TMEM178B: variants seen among roughly 807,000 people sequenced by gnomAD.
TMEM178B encodes transmembrane protein 178B.
A neutral mutation model predicts 31.0 loss-of-function variants in TMEM178B; 5 were observed. That is an observed-to-expected ratio of 0.16 (90% confidence interval 0.08 to 0.34). TMEM178B has a LOEUF of 0.34. Ranked by LOEUF, TMEM178B falls within the 10% of genes least tolerant of loss-of-function variation. The pLI is 1.00. For missense variants in TMEM178B, 275 were observed against 400.3 expected (o/e 0.69, Z 2.67); for synonymous variants, 164 against 164.0 (o/e 1.00, Z 0.00).
chr7:141,254,131 A>G (rs1451527301), intron 2 of TMEM178B, among the ~76,000 whole-genome samples: 1 of 152,196 alleles, frequency 6.6e-6, no homozygotes, highest in South Asian at 2.1e-4. Context: ...AAGGAAGGAC[A>G]TTTATTTGAA....
At chr7:141,126,073 T>G (rs1184705864) in intron 1 of TMEM178B, among the ~76,000 whole-genome samples, 1 of 152,210 alleles carries the variant, frequency 6.6e-6, no homozygotes, top group African/African-American at 2.4e-5. Flanking sequence ...TACCAAGCGA[T>G]GACCAGATTG....
Position 141,371,500 on chromosome 7 carries a change from A to G in TMEM178B, c.497-66108A>G, listed in dbSNP as rs1313048562. ...CTTTTCTTAAAAAATTACCTGCCTC[A>G]AGTATTCTCTTGTAGCAACACAAAA... On this transcript the variant is annotated intron_variant, in intron 2 of 3. Coordinates refer to ENST00000565468, the MANE Select transcript of TMEM178B (RefSeq NM_001195278.2). 5.5e-4 allele frequency among the ~76,000 whole-genome samples: 83 copies of G among 152,198 alleles called. 1 individual carries two copies. The highest frequency in any genetic ancestry group is 5.4e-3 in the Admixed American group (83 of 15,280).
rs181569940 is a variant in TMEM178B, at chr7:141,398,048, A to G, written c.497-39560A>G. 1.5e-3 allele frequency among the ~76,000 whole-genome samples: 235 copies of G among 152,192 alleles called. 1 individual carries two copies. Among genetic ancestry groups the G allele is most frequent in the Non-Finnish European group, 2.7e-3 (186 of 68,010 alleles). ...TCAGGAGATTGGTAGTGGTGTGTGG[A>G]GTGGGCAGGTAGGAGAGGTCACCAA... On this transcript the variant is annotated intron_variant, in intron 2 of 3. Transcript: ENST00000565468.
chr7:141,136,899 CA>C (rs1252740415), intron 1 of TMEM178B, among the ~76,000 whole-genome samples: 2 of 152,030 alleles, frequency 1.3e-5, no homozygotes, highest in Non-Finnish European at 1.5e-5. Context: ...GATCTGAATA[CA>C]TATTTCTCAA....
chr7:141,261,035 A>C (rs216995), intron 2 of TMEM178B, among the ~76,000 whole-genome samples: 93,748 of 152,060 alleles, frequency 0.62, 29,683 homozygotes, highest in African/African-American at 0.77. Flanking sequence ...ATGATAACCC[A>C]AGATCAGCCT....
chr7:141,158,598 C>A (rs1224055729), intron 1 of TMEM178B, among the ~76,000 whole-genome samples: 1 of 152,188 alleles, frequency 6.6e-6, no homozygotes, highest in African/African-American at 2.4e-5. Flanking sequence ...AGAAGACCAG[C>A]AGGAAGAACA....
At chr7:141,505,423 G>C in the TMEM178B span, among the ~76,000 whole-genome samples, 5 of 152,204 alleles carry the variant, frequency 3.3e-5, no homozygotes, top group Admixed American at 3.3e-4. Flanking sequence ...ATTATTATCT[G>C]TGTGCCATTA....
chr7:141,505,430 A>G, the TMEM178B span, among the ~76,000 whole-genome samples: 14,848 of 152,276 alleles, frequency 0.098, 2,200 homozygotes, highest in African/African-American at 0.32. Flanking sequence ...TCTGTGTGCC[A>G]TTATGAGTCC....
chr7:141,096,919 C>A (rs1190785824), intron 1 of TMEM178B, among the ~76,000 whole-genome samples: 2 of 151,886 alleles, frequency 1.3e-5, no homozygotes, highest in Non-Finnish European at 2.9e-5. Flanking sequence ...GAGATCTCAT[C>A]TCTACAAAAA....
At position 141,414,319 on chromosome 7, in the gene TMEM178B, T is replaced by C. The variant is rs1199062531; in HGVS notation, c.497-23289T>C. The stretch of plus-strand genomic sequence containing the variant: ...CAAGATGGTCTCGATCTCCTGACCT[T>C]GTGATCCGCCCGCCTCGGCCTCCCA... On this transcript the variant is annotated intron_variant, in intron 2 of 3. Transcript: ENST00000565468. 2 of 18,108 alleles carry C rather than the reference T, an allele frequency of 1.1e-4. 1 individual carries two copies. Among genetic ancestry groups the C allele is most frequent in the African/African-American group, 1.0e-3 (2 of 1,908 alleles). The allele number at this position is 18,108 out of a possible 1,614,324, so 1.1% of individuals were successfully genotyped here.
chr7:141,397,815 T>C (rs1011415128), intron 2 of TMEM178B, among the ~76,000 whole-genome samples: 2 of 152,206 alleles, frequency 1.3e-5, no homozygotes, highest in African/African-American at 4.8e-5. Flanking sequence ...AGAATGCATC[T>C]CTTCGCCCAC....
chr7:141,374,099 T>A (rs1377973783), intron 2 of TMEM178B, among the ~76,000 whole-genome samples: 1 of 152,166 alleles, frequency 6.6e-6, no homozygotes, highest in Non-Finnish European at 1.5e-5. Context: ...AGCCCTGAGC[T>A]GGGTCACCAA....
chr7:141,494,136 A>G, the TMEM178B span, among the ~76,000 whole-genome samples: 1,709 of 152,306 alleles, frequency 0.011, 40 homozygotes, highest in African/African-American at 0.039. Context: ...CTTAAAATGA[A>G]AGTAGCTTCT....
intron 2 of TMEM178B, among the ~76,000 whole-genome samples, chr7:141,356,352 T>C (rs1799817685): frequency 6.6e-6 from 1 of 151,704 alleles, no homozygotes; most frequent in South Asian, 2.1e-4. Context: ...ATAAGCTTTC[T>C]CTTTTCTCTG....
chr7:141,368,617 G>A (rs750473549), intron 2 of TMEM178B, among the ~76,000 whole-genome samples: 5 of 152,194 alleles, frequency 3.3e-5, no homozygotes, highest in Non-Finnish European at 5.9e-5. Flanking sequence ...CATGCTCAGT[G>A]TGTACATTTC....
rs1443194896 is a variant in TMEM178B, at chr7:141,332,125, G to T, written c.497-105483G>T. On this transcript the variant is annotated intron_variant, in intron 2 of 3. Transcript: ENST00000565468. ...TCGAAGTCAGTCTAACTGAACTCAT[G>T]GTTCTGAATTGTCTTGTGTTGCTGC... is the stretch of plus-strand genomic sequence containing the variant. 2.0e-5 allele frequency among the ~76,000 whole-genome samples: 3 copies of T among 152,126 alleles called. No individual in the cohort carries two copies. The South Asian group carries it at 6.2e-4, about 32-fold the overall frequency.
intron 2 of TMEM178B, among the ~76,000 whole-genome samples, chr7:141,284,346 T>C (rs1798410453): frequency 6.6e-6 from 1 of 152,210 alleles, no homozygotes; most frequent in South Asian, 2.1e-4. Flanking sequence ...ACCAGTTTTG[T>C]TGTTATTAGT....
intron 3 of TMEM178B, among the ~76,000 whole-genome samples, chr7:141,464,812 G>A (rs1181487966): frequency 6.6e-6 from 1 of 152,118 alleles, no homozygotes; most frequent in Non-Finnish European, 1.5e-5. Context: ...CTTACCACCA[G>A]CCACCACTCC....
chr7:141,134,160 G>C (rs1312309386), intron 1 of TMEM178B, among the ~76,000 whole-genome samples: 1 of 152,056 alleles, frequency 6.6e-6, no homozygotes, highest in Non-Finnish European at 1.5e-5. Context: ...GCTTGAACCT[G>C]AAAGTTTGAG....
Sources: gnomAD v4.1 joint callset for allele counts (sites outside exome capture counted in the v4.1 genomes callset) on GRCh38, gnomAD v4.1.1 for gene constraint, MANE v1.5 for transcripts, NCBI Gene and HGNC (gene_info 2026-07-23, HGNC 2026-07-21) for gene names.